The following NPPB variants were observed in gnomAD, a reference collection of about 807,000 sequenced individuals.
NPPB encodes the protein natriuretic peptides B.
NPPB carries 13 observed loss-of-function variants against 12.7 expected under a neutral mutation model. The ratio of observed to expected loss-of-function variants is 1.03; its 90% CI spans 0.67 to 1.63. The LOEUF (loss-of-function observed/expected upper bound fraction) is 1.63, where lower values mean the gene tolerates loss of function less well. Among genes scored for constraint, NPPB ranks in the 40% most tolerant of loss-of-function variants. The probability of loss-of-function intolerance (pLI) is 0.00; values close to 1 mark genes in which losing one functional copy is unlikely to be tolerated. For synonymous variants in NPPB, 66 were observed against 74.7 expected, an observed-to-expected ratio of 0.88 and a Z score of 0.60; for missense variants, 184 against 172.9, an observed-to-expected ratio of 1.06 and a Z score of -0.36.
Position 11,858,205 on chromosome 1 carries a change from G to A in NPPB, c.388+9C>T. 6.3e-7 allele frequency: 1 copy of A among 1,586,968 alleles called. No individual in the cohort carries two copies. The highest frequency in any genetic ancestry group is 8.6e-7 in the Non-Finnish European group (1 of 1,164,162). ...GGGGAAGGCGGCCGGGGTGGCAGGGGGTGCTTACCTTTGCAGCCCAGGCCA... is the reference window on the plus strand; with the variant it reads ...GGGGAAGGCGGCCGGGGTGGCAGGGAGTGCTTACCTTTGCAGCCCAGGCCA... On this transcript the variant is annotated intron_variant, in intron 2 of 2. Transcript: ENST00000376468.
intron 2 of NPPB, among the ~76,000 whole-genome samples, 198 bp downstream of exon 2, chr1:11,858,016 T>C (rs1645131283): frequency 6.6e-6 from 1 of 152,158 alleles, no homozygotes; most frequent in Admixed American, 6.5e-5. Context: ...ATTGTGGGCA[T>C]GGTAATGAAA....
At position 11,858,714 on chromosome 1, in the gene NPPB, C is replaced by T. The variant is rs140816420; in HGVS notation, c.120G>A (p.Thr40=). ...CCTCCGCTCTCACCTGTAACCCGGA[C>T]GTTTCCAAGTCCGAGGCTGAACCGG... ...GSPGSASDLE[T]SGLQEQRNHL... Residue 40 remains threonine (T), a synonymous_variant, in exon 1 of 3, where the codon ACG becomes ACA. Transcript: ENST00000376468. 8.9e-5 allele frequency: 144 copies of T among 1,614,196 alleles called. 1 individual carries two copies. The African/African-American group carries it at 1.7e-3, about 19-fold the overall frequency.
chr1:11,858,528 C>T lies in NPPB; in HGVS notation c.133-59G>A, dbSNP rs1645134914. ...CCCACCCCTGGGCTCACCAGCCCTT[C>T]ATGGCACCCAAGTGAACCGACTGCC... On this transcript the variant is annotated intron_variant, in intron 1 of 2. Transcript: ENST00000376468. The T allele has an allele frequency of 1.9e-6, 3 of 1,542,234 alleles. No homozygotes were observed. The South Asian group carries it at 3.8e-5, about 19-fold the overall frequency.
Position 11,858,422 on chromosome 1 carries a change from C to A in NPPB, c.180G>T (p.Glu60Asp). The A allele has an allele frequency of 6.4e-7, 1 of 1,559,162 alleles. No homozygotes were observed. ...CCTGGAGGGGCTCCAGGGATGTCTGCTCCACCTGCAGCTCCGACAGTTTGC... is the reference window on the plus strand; with the variant it reads ...CCTGGAGGGGCTCCAGGGATGTCTGATCCACCTGCAGCTCCGACAGTTTGC... ...LQGKLSELQV[E>D]QTSLEPLQES... Residue 60 changes from glutamate to aspartate, a missense_variant, in exon 2 of 3, where the codon GAG (glutamate) becomes GAT (aspartate). Physicochemically the swap from Glu to Asp is conservative, Grantham distance 45. Transcript: ENST00000376468.
chr1:11,858,229 C>A lies in NPPB; in HGVS notation c.373G>T (p.Gly125Cys), dbSNP rs1486263748. Residue 125 changes from glycine (G) to cysteine (C), a missense_variant, in exon 2 of 3, where the codon GGC (glycine) becomes TGC (cysteine). Physicochemically the swap from Gly to Cys is radical, Grantham distance 159 (BLOSUM62 -3). Coordinates refer to ENST00000376468, the MANE Select transcript of NPPB (RefSeq NM_002521.3). Reference protein sequence around the residue: ...RKMDRISSSSGLGCKVLRRH With the variant: ...RKMDRISSSSCLGCKVLRRH ...GGGTGCTTACCTTTGCAGCCCAGGC[C>A]ACTGGAGGAGCTGATCCGGTCCATC... is the stretch of plus-strand genomic sequence containing the variant. 2 of 1,610,342 alleles carry A rather than the reference C, an allele frequency of 1.2e-6. No homozygotes were observed. Among genetic ancestry groups the A allele is most frequent in the Non-Finnish European group, 1.7e-6 (2 of 1,178,026 alleles).
At position 11,858,371 on chromosome 1, in the gene NPPB, C is replaced by G; in HGVS notation, c.231G>C (p.Trp77Cys). ...CCTCGGTGGCTACCTCCCGGGACTTCCAGACACCTGTGGGACGGGGGCTCT... is the reference window on the plus strand; with the variant it reads ...CCTCGGTGGCTACCTCCCGGGACTTGCAGACACCTGTGGGACGGGGGCTCT... ...LQESPRPTGV[W>C]KSREVATEGI... is the part of the protein sequence containing the mutation. Residue 77 changes from tryptophan to cysteine, a missense_variant, in exon 2 of 3, where the codon TGG (tryptophan) becomes TGC (cysteine). By Grantham distance (215) the Trp-to-Cys change is radical. Transcript: ENST00000376468. 6.2e-7 allele frequency: 1 copy of G among 1,608,066 alleles called. No individual in the cohort carries two copies.
chr1:11,858,106 C>G, intron 2 of NPPB, 108 bp downstream of exon 2: 1 of 1,092,078 alleles, frequency 9.2e-7, no homozygotes, highest in Non-Finnish European at 1.3e-6. Context: ...GTCCAGGTGA[C>G]CTTTTCTCAA....
In NPPB at chr1:11,857,684, G is replaced by A; in HGVS notation, c.389-13C>T. The A allele has an allele frequency of 6.2e-7, 1 of 1,613,934 alleles. No individual in the cohort carries two copies. Among genetic ancestry groups the A allele is most frequent in the Non-Finnish European group, 8.5e-7 (1 of 1,179,892 alleles). The stretch of plus-strand genomic sequence containing the variant: ...TGCCGCCTCAGCACTGTCAGGGAAA[G>A]AGAGAGGGTGATGATGGTTAGGGTG... On this transcript the variant is annotated splice_polypyrimidine_tract_variant and intron_variant, in intron 2 of 2. Transcript: ENST00000376468.
In NPPB at chr1:11,858,414, G is replaced by A. The variant is rs570474795; in HGVS notation, c.188C>T (p.Ser63Phe). The A allele has an allele frequency of 2.0e-5, 31 of 1,567,802 alleles. No homozygotes were observed. Among genetic ancestry groups the A allele is most frequent in the East Asian group, 4.5e-5 (2 of 44,328 alleles). Residue 63 changes from serine to phenylalanine, a missense_variant, in exon 2 of 3, where the codon TCC (serine) becomes TTC (phenylalanine). Physicochemically the swap from Ser to Phe is radical, Grantham distance 155. Coordinates refer to ENST00000376468, the MANE Select transcript of NPPB (RefSeq NM_002521.3). ...GGGGCTCTCCTGGAGGGGCTCCAGG[G>A]ATGTCTGCTCCACCTGCAGCTCCGA... ...KLSELQVEQTSLEPLQESPRP... is the reference protein window; with the variant it reads ...KLSELQVEQTFLEPLQESPRP...
In NPPB at chr1:11,858,091, G is replaced by T. The variant is rs116372830; in HGVS notation, c.388+123C>A. The T allele has an allele frequency of 1.9e-3, 1,749 of 934,896 alleles. 12 individuals are homozygous for T. In the African/African-American group the frequency reaches 0.021, roughly 11 times the overall value. 57.9% of individuals were successfully genotyped at this position (934,896 alleles called of 1,614,324 possible). ...CCCTGAAGGCTGTTAACAAGAGGAA[G>T]CGATGTCCAGGTGACCTTTTCTCAA... On this transcript the variant is annotated intron_variant, in intron 2 of 2. Coordinates refer to ENST00000376468, the MANE Select transcript of NPPB (RefSeq NM_002521.3).
At position 11,858,452 on chromosome 1, in the gene NPPB, C is replaced by CA; in HGVS notation, c.149dup (p.Leu50PhefsTer113). The CA allele has an allele frequency of 6.5e-7, 1 of 1,542,466 alleles. No homozygotes were observed. The highest frequency in any genetic ancestry group is 8.7e-7 in the Non-Finnish European group (1 of 1,144,288). On this transcript the variant is annotated frameshift_variant, in exon 2 of 3. Transcript: ENST00000376468. LOFTEE classifies it high-confidence loss of function. ...CCTGCAGCTCCGACAGTTTGCCCTGCAAATGGTTGCGCTGCTCCTGCAATG... is the reference window on the plus strand; with the variant it reads ...CCTGCAGCTCCGACAGTTTGCCCTGCAAAATGGTTGCGCTGCTCCTGCAATG...
chr1:11,858,292 G>A lies in NPPB; in HGVS notation c.310C>T (p.Pro104Ser), dbSNP rs1189974823. 1.9e-6 allele frequency: 3 copies of A among 1,614,108 alleles called. No homozygotes were observed. Among genetic ancestry groups the A allele is most frequent in the Middle Eastern group, 1.6e-4 (1 of 6,062 alleles). ...CAGCCAGACCCTTGCACCATCTTGG[G>A]GCTTCGTGGTGCCCGCAGGGTGTAG... ...VLYTLRAPRSPKMVQGSGCFG... is the reference protein window; with the variant it reads ...VLYTLRAPRSSKMVQGSGCFG... Residue 104 changes from proline (P) to serine (S), a missense_variant, in exon 2 of 3, where the codon CCC (proline) becomes TCC (serine). By Grantham distance (74) the Pro-to-Ser change is moderately conservative (BLOSUM62 -1). Transcript: ENST00000376468.
intron 2 of NPPB, among the ~76,000 whole-genome samples, chr1:11,857,992 G>T (rs1360345460): frequency 1.3e-5 from 2 of 152,184 alleles, no homozygotes; most frequent in African/African-American, 4.8e-5. Flanking sequence ...AGAAGTAGGA[G>T]GTGGGGAGAA....
chr1:11,858,602 A>G, intron 1 of NPPB, 100 bp downstream of exon 1: 1 of 1,594,530 alleles, frequency 6.3e-7, no homozygotes, highest in Admixed American at 1.8e-5. Context: ...TGATTCCTTT[A>G]TCACTAATTC....
Position 11,858,464 on chromosome 1 carries a change from C to A in NPPB, c.138G>T (p.Gln46His). 1.3e-6 allele frequency: 2 copies of A among 1,537,328 alleles called. No individual in the cohort carries two copies. Among genetic ancestry groups the A allele is most frequent in the Non-Finnish European group, 1.8e-6 (2 of 1,142,580 alleles). Reference protein sequence around the residue: ...SDLETSGLQEQRNHLQGKLSE... With the variant: ...SDLETSGLQEHRNHLQGKLSE... ...ACAGTTTGCCCTGCAAATGGTTGCG[C>A]TGCTCCTGCAATGAATGGGGGCGTC... Residue 46 changes from glutamine to histidine, a missense_variant, in exon 2 of 3, where the codon CAG becomes CAT. Transcript: ENST00000376468.
chr1:11,857,837 A>G (rs888026922), intron 2 of NPPB, among the ~76,000 whole-genome samples, 166 bp from the exon 3 acceptor site: 1 of 152,154 alleles, frequency 6.6e-6, no homozygotes, highest in African/African-American at 2.4e-5. Context: ...GGGGATTATC[A>G]TTGCTCTGGT....
At position 11,858,932 on chromosome 1, in the gene NPPB, G is replaced by A. The variant is rs975843890; in HGVS notation, c.-99C>T. 1.3e-6 allele frequency: 2 copies of A among 1,584,116 alleles called. No homozygotes were observed. Among genetic ancestry groups the A allele is most frequent in the Admixed American group, 1.8e-5 (1 of 56,574 alleles). ...TGCTTCCCACCTGCCCTCAGCCTGC[G>A]GGGTGCTCCTCCTGGCTCCTCGGGA... is the stretch of plus-strand genomic sequence containing the variant. On this transcript the variant is annotated 5_prime_UTR_variant, in exon 1 of 3. Transcript: ENST00000376468.
At position 11,858,856 on chromosome 1, in the gene NPPB, C is replaced by T. The variant is rs1319993957; in HGVS notation, c.-23G>A. Reference sequence around the variant, plus strand: ...CATGTCTCTGGAGGGACTGCGGAGGCTGCTGCTGCTGCTTCTGCTGCTGCT... The same window carrying T: ...CATGTCTCTGGAGGGACTGCGGAGGTTGCTGCTGCTGCTTCTGCTGCTGCT... On this transcript the variant is annotated 5_prime_UTR_variant, in exon 1 of 3. Coordinates refer to ENST00000376468, the MANE Select transcript of NPPB (RefSeq NM_002521.3). 6.2e-7 allele frequency: 1 copy of T among 1,607,704 alleles called. No homozygotes were observed. Among genetic ancestry groups the T allele is most frequent in the East Asian group, 2.2e-5 (1 of 44,804 alleles).
At position 11,857,563 on chromosome 1, in the gene NPPB, T is replaced by TTA; in HGVS notation, c.*91_*92insTA. 8.5e-7 allele frequency: 1 copy of TTA among 1,179,720 alleles called. No individual in the cohort carries two copies. Among genetic ancestry groups the TTA allele is most frequent in the South Asian group, 1.3e-5 (1 of 77,794 alleles). The allele number at this position is 1,179,720 out of a possible 1,614,324, so 73.1% of individuals were successfully genotyped here. ...CAATCAAATAAATACATAAATACAT[T>TTA]AAAAAAATGAGTCACTTCAAAGGCG... On this transcript the variant is annotated 3_prime_UTR_variant, in exon 3 of 3. Coordinates refer to ENST00000376468, the MANE Select transcript of NPPB (RefSeq NM_002521.3).
Sources: allele counts gnomAD v4.1 joint callset (sites outside exome capture counted in the v4.1 genomes callset), GRCh38; gene constraint gnomAD v4.1.1; transcripts MANE v1.5; gene names NCBI Gene and HGNC (gene_info 2026-07-23, HGNC 2026-07-21).